TASP1: variants seen among roughly 807,000 people sequenced by gnomAD.
TASP1 encodes the protein threonine aspartase 1.
Under a neutral mutation model 56.6 loss-of-function variants are expected in TASP1, and 16 were observed. The ratio of observed to expected loss-of-function variants is 0.28; its 90% CI spans 0.19 to 0.43. The LOEUF is 0.43. Ranked by LOEUF, TASP1 falls within the 20% of genes least tolerant of loss-of-function variation. The pLI is 1.00. For missense variants in TASP1, 393 were observed against 511.6 expected (o/e 0.77, Z 2.24); for synonymous variants, 179 against 184.2 (o/e 0.97, Z 0.23).
At chr20:13,604,862 TTTTC>T (rs2048089517) in intron 4 of TASP1, among the ~76,000 whole-genome samples, 1 of 152,028 alleles carries the variant, frequency 6.6e-6, no homozygotes. Context: ...TGTTTAGCAG[TTTTC>T]TTTAAAGTTA....
the TASP1 span, among the ~76,000 whole-genome samples, chr20:13,198,376 G>A: frequency 6.6e-6 from 1 of 152,096 alleles, no homozygotes; most frequent in African/African-American, 2.4e-5. Context: ...AACATGGTAG[G>A]GAAAAGAGCA....
At chr20:13,495,909 T>C (rs2146601205) in intron 10 of TASP1, among the ~76,000 whole-genome samples, 1 of 152,308 alleles carries the variant, frequency 6.6e-6, no homozygotes, top group South Asian at 2.1e-4. Context: ...CTCAGGAAAT[T>C]CACAGAATGC....
At chr20:13,204,012 A>T in the TASP1 span, among the ~76,000 whole-genome samples, 5 of 152,206 alleles carry the variant, frequency 3.3e-5, no homozygotes, top group African/African-American at 1.2e-4. Flanking sequence ...CACTGAAAAC[A>T]GCTTTAAAAT....
At chr20:13,458,824 C>A (rs2043945275) in intron 11 of TASP1, among the ~76,000 whole-genome samples, 1 of 152,092 alleles carries the variant, frequency 6.6e-6, no homozygotes, top group Non-Finnish European at 1.5e-5. Flanking sequence ...GTCAACTTGC[C>A]AACATACAAC....
At position 13,563,986 on chromosome 20, in the gene TASP1, T is replaced by C. The variant is rs537821071; in HGVS notation, c.569-4872A>G. ...AGCTTTTCCCCTAAAATCAGAAACA[T>C]GACAAGGATATGTACTTTTACCACT... On this transcript the variant is annotated intron_variant, in intron 7 of 13. Coordinates refer to ENST00000337743, the MANE Select transcript of TASP1 (RefSeq NM_017714.3). 2.6e-4 allele frequency among the ~76,000 whole-genome samples: 40 copies of C among 152,204 alleles called. No individual in the cohort carries two copies. The East Asian group carries it at 6.4e-3, about 24-fold the overall frequency.
chr20:13,272,060 T>G, the TASP1 span, among the ~76,000 whole-genome samples: 1 of 152,238 alleles, frequency 6.6e-6, no homozygotes, highest in Non-Finnish European at 1.5e-5. Flanking sequence ...ATTACAAGTA[T>G]GAGCCACCAC....
the TASP1 span, among the ~76,000 whole-genome samples, chr20:13,284,527 A>G: frequency 6.6e-6 from 1 of 152,220 alleles, no homozygotes; most frequent in Non-Finnish European, 1.5e-5. Flanking sequence ...CTGGTAGGTG[A>G]GCAACTGAGA....
At chr20:13,297,411 T>A in the TASP1 span, among the ~76,000 whole-genome samples, 2 of 152,218 alleles carry the variant, frequency 1.3e-5, no homozygotes, top group African/African-American at 4.8e-5. Flanking sequence ...CCTTCTCTAA[T>A]TCCCCTGCTC....
At chr20:13,373,594 C>A in the TASP1 span, among the ~76,000 whole-genome samples, 1 of 151,768 alleles carries the variant, frequency 6.6e-6, no homozygotes, top group African/African-American at 2.4e-5. Flanking sequence ...CTTCTGACAG[C>A]CATGATTTCT....
the TASP1 span, among the ~76,000 whole-genome samples, chr20:13,268,337 CCTT>C: frequency 2.8e-5 from 4 of 143,474 alleles, no homozygotes; most frequent in Non-Finnish European, 6.1e-5. Flanking sequence ...TTCTCCTTCT[CCTT>C]CTTCTTCCTC....
intron 9 of TASP1, among the ~76,000 whole-genome samples, chr20:13,530,899 C>T (rs73899342): frequency 0.02 from 3,101 of 152,124 alleles, 110 homozygotes; most frequent in African/African-American, 0.07. Context: ...AATCTTACTT[C>T]TTTTTGGTAG....
rs762565056 is a variant in TASP1 at position 13,534,007 on chromosome 20, C to A, written c.795+15G>T. 1.2e-6 allele frequency: 2 copies of A among 1,601,850 alleles called. No individual in the cohort carries two copies. The highest frequency in any genetic ancestry group is 1.8e-5 in the Admixed American group (1 of 56,954). On this transcript the variant is annotated intron_variant, in intron 9 of 13. Coordinates refer to ENST00000337743, the MANE Select transcript of TASP1 (RefSeq NM_017714.3). ...TACTTTGAAAGGCTAGTTTAAAAAA[C>A]CCATAATTACTTACCTGCCCAACTC...
At chr20:13,400,329 G>A (rs1369231817) in intron 13 of TASP1, among the ~76,000 whole-genome samples, 1 of 152,078 alleles carries the variant, frequency 6.6e-6, no homozygotes, top group Non-Finnish European at 1.5e-5. Context: ...CTCAAGCCAA[G>A]TAATAAGGCT....
At chr20:13,586,196 A>C (rs991080820) in intron 5 of TASP1, among the ~76,000 whole-genome samples, 13 of 143,264 alleles carry the variant, frequency 9.1e-5, no homozygotes, top group African/African-American at 2.4e-4. Flanking sequence ...AAAAAAAAAA[A>C]CAGAAGTACA....
the TASP1 span, among the ~76,000 whole-genome samples, chr20:13,179,583 T>C: frequency 6.6e-6 from 1 of 152,160 alleles, no homozygotes. Flanking sequence ...TACTGGACCC[T>C]GAAGATAATG....
At chr20:13,136,742 T>TAA in the TASP1 span, among the ~76,000 whole-genome samples, 1 of 147,906 alleles carries the variant, frequency 6.8e-6, no homozygotes. Context: ...GTTATATATA[T>TAA]AATATATAGG....
the TASP1 span, among the ~76,000 whole-genome samples, chr20:13,136,763 T>C: frequency 4.6e-4 from 69 of 148,676 alleles, no homozygotes; most frequent in African/African-American, 1.6e-3. Flanking sequence ...GAGAGAGGAA[T>C]TTGGCAGGAA....
the TASP1 span, among the ~76,000 whole-genome samples, chr20:13,234,978 G>A: frequency 1.3e-5 from 2 of 152,148 alleles, no homozygotes; most frequent in Non-Finnish European, 2.9e-5. Flanking sequence ...AGAAACACTG[G>A]TCTACATGCA....
chr20:13,617,672 T>C (rs2048569814), intron 4 of TASP1, among the ~76,000 whole-genome samples: 1 of 152,168 alleles, frequency 6.6e-6, no homozygotes, highest in South Asian at 2.1e-4. Flanking sequence ...ATTTAAATAA[T>C]TTTAAACTTC....
Sources: allele counts gnomAD v4.1 joint callset (sites outside exome capture counted in the v4.1 genomes callset), GRCh38; gene constraint gnomAD v4.1.1; transcripts MANE v1.5; gene names NCBI Gene and HGNC (gene_info 2026-07-23, HGNC 2026-07-21).